The following TBL1X variants were observed in gnomAD, a reference collection of about 807,000 sequenced individuals.
The protein encoded by TBL1X is F-box-like/WD repeat-containing protein TBL1X.
In TBL1X, 10 loss-of-function variants were observed where a neutral mutation model predicts 50.7. The observed-to-expected ratio is 0.20, with a 90% CI of 0.12 to 0.33. The LOEUF (loss-of-function observed/expected upper bound fraction) is 0.33, where lower values mean the gene tolerates loss of function less well. Among genes scored for constraint, TBL1X ranks in the 10% least tolerant of loss-of-function variants. The pLI, the probability that TBL1X is intolerant of heterozygous loss-of-function variation, is 1.00. For synonymous variants in TBL1X, 190 were observed against 214.7 expected, an observed-to-expected ratio of 0.88 and a Z score of 1.01; for missense variants, 340 against 504.4, an observed-to-expected ratio of 0.67 and a Z score of 3.12.
At chrX:9,481,488 A>T (rs2081882230) in intron 1 of TBL1X, among the ~76,000 whole-genome samples, 1 of 112,509 alleles carries the variant, frequency 8.9e-6, no homozygotes, top group African/African-American at 3.2e-5. Context: ...ATGATGTTAT[A>T]GTTGTTTGTT....
intron 7 of TBL1X, among the ~76,000 whole-genome samples, chrX:9,690,902 G>C (rs969961916): frequency 1.3e-4 from 14 of 109,543 alleles, no homozygotes; most frequent in South Asian, 1.2e-3. Flanking sequence ...CTAACTTCTT[G>C]TTGTTGTTGT....
intron 1 of TBL1X, among the ~76,000 whole-genome samples, chrX:9,484,238 A>C (rs1031782566): frequency 1.4e-4 from 16 of 111,400 alleles, no homozygotes; most frequent in African/African-American, 4.6e-4. Context: ...TCCTGGGCTC[A>C]AGTGATCCTC....
At chrX:9,629,119 G>A (rs1179484609) in intron 2 of TBL1X, among the ~76,000 whole-genome samples, 1 of 112,408 alleles carries the variant, frequency 8.9e-6, no homozygotes, top group East Asian at 2.8e-4. Flanking sequence ...ATATTAGTAG[G>A]TTATCTGTTC....
intron 2 of TBL1X, among the ~76,000 whole-genome samples, chrX:9,630,999 AAT>A (rs111898957): frequency 0.098 from 10,709 of 108,922 alleles, 519 homozygotes; most frequent in African/African-American, 0.19. Context: ...ATATATGGAT[AAT>A]ATATATATAT....
chrX:9,633,537 A>G (rs1301859531), intron 2 of TBL1X, among the ~76,000 whole-genome samples: 1 of 112,249 alleles, frequency 8.9e-6, no homozygotes, highest in African/African-American at 3.2e-5. Context: ...TTCCCAGTGG[A>G]TGAGGCTCAC....
At chrX:9,557,428 A>G (rs754036806) in intron 2 of TBL1X, among the ~76,000 whole-genome samples, 2 of 111,371 alleles carry the variant, frequency 1.8e-5, no homozygotes, top group South Asian at 7.5e-4. Flanking sequence ...CTGGGGTGCC[A>G]AGGAGGGCAG....
chrX:9,637,603 G>A (rs1299528728), intron 2 of TBL1X: 1 of 111,829 alleles, frequency 8.9e-6, no homozygotes, highest in African/African-American at 3.3e-5. Flanking sequence ...TGGTGTGACC[G>A]AAGGAAACAC....
intron 16 of TBL1X, 46 bp from the exon 17 acceptor site, chrX:9,714,856 C>T (rs367627582): frequency 6.7e-5 from 77 of 1,144,611 alleles, no homozygotes; most frequent in Non-Finnish European, 8.3e-5. Flanking sequence ...CTGCATCTGT[C>T]GCAGGCGCCC....
chrX:9,699,051 G>C (rs181442320), intron 12 of TBL1X, among the ~76,000 whole-genome samples: 114 of 111,839 alleles, frequency 1.0e-3, no homozygotes, highest in African/African-American at 3.3e-3. Flanking sequence ...TGCGATCTCA[G>C]CTCATTGCAG....
intron 2 of TBL1X, among the ~76,000 whole-genome samples, chrX:9,537,661 A>G (rs5934646): frequency 0.33 from 37,188 of 111,544 alleles, 4,443 homozygotes; most frequent in East Asian, 0.6. Context: ...TTAAGGCTGT[A>G]TAATATTCCA....
At chrX:9,680,262 TC>T (rs775206638) in intron 5 of TBL1X, among the ~76,000 whole-genome samples, 4 of 111,988 alleles carry the variant, frequency 3.6e-5, no homozygotes, top group Non-Finnish European at 5.6e-5. Context: ...GCAGGCATCT[TC>T]CTGTCCCAGA....
intron 13 of TBL1X, among the ~76,000 whole-genome samples, chrX:9,707,177 C>T (rs1033744823): frequency 9.0e-6 from 1 of 111,021 alleles, no homozygotes; most frequent in Non-Finnish European, 1.9e-5. Context: ...GCCATTGTGC[C>T]ACTAACTTAA....
intron 2 of TBL1X, among the ~76,000 whole-genome samples, chrX:9,587,810 C>G (rs977861621): frequency 1.9e-4 from 19 of 97,454 alleles, no homozygotes; most frequent in Non-Finnish European, 3.3e-4. Context: ...ACCCCACCCC[C>G]ACCCCTGCCA....
chrX:9,510,462 A>G (rs2082049760), intron 2 of TBL1X, among the ~76,000 whole-genome samples: 1 of 112,011 alleles, frequency 8.9e-6, no homozygotes, highest in African/African-American at 3.2e-5. Context: ...AGAAAGACAA[A>G]ACTGGCATCT....
chrX:9,617,559 G>T (rs2082645317), intron 2 of TBL1X, among the ~76,000 whole-genome samples: 1 of 112,338 alleles, frequency 8.9e-6, no homozygotes, highest in African/African-American at 3.2e-5. Flanking sequence ...ATTTAGGAGA[G>T]TATATTTGTT....
Position 9,653,599 on chromosome X carries a change from G to A in TBL1X, c.13G>A (p.Ala5Thr), listed in dbSNP as rs138597617. The change falls in exon 4 of 18, where the codon GCT becomes ACT. Residue 5 changes from alanine (A) to threonine (T), a missense_variant. Physicochemically the swap from Ala to Thr is moderately conservative, Grantham distance 58. Coordinates refer to ENST00000645353, the MANE Select transcript of TBL1X (RefSeq NM_005647.4). Reference sequence around the variant, plus strand: ...GGTGACATGTAGCATGACCGAGCTCGCTGGCGCCTCTTCATCGTGCTGCCA... The same window carrying A: ...GGTGACATGTAGCATGACCGAGCTCACTGGCGCCTCTTCATCGTGCTGCCA... Reference protein sequence around the residue: MTELAGASSSCCHRP... With the variant: MTELTGASSSCCHRP... The A allele has an allele frequency of 4.3e-6, 5 of 1,169,889 alleles. No homozygotes were observed. The highest frequency in any genetic ancestry group is 3.2e-5 in the East Asian group (1 of 30,896).
intron 13 of TBL1X, among the ~76,000 whole-genome samples, chrX:9,708,091 A>T (rs1048413215): frequency 3.6e-5 from 4 of 111,909 alleles, no homozygotes; most frequent in African/African-American, 1.3e-4. Flanking sequence ...GGGGCCCTAT[A>T]GTCACCCCTG....
chrX:9,701,729 G>A (rs1328286602), intron 12 of TBL1X, among the ~76,000 whole-genome samples: 6 of 111,139 alleles, frequency 5.4e-5, no homozygotes, highest in Admixed American at 9.6e-5. Context: ...GATGCTGGTC[G>A]CCATCTCTTG....
rs767587967 is a variant in TBL1X at position 9,587,972 on chromosome X, C to A, written c.-130-52301C>A. Among the ~76,000 whole-genome samples the A allele has an allele frequency of 4.0e-4, 45 of 111,850 alleles. 1 individual carries two copies. In the Middle Eastern group the frequency reaches 0.014, roughly 35 times the overall value. On this transcript the variant is annotated intron_variant, in intron 2 of 17. Transcript: ENST00000645353. The stretch of plus-strand genomic sequence containing the variant: ...CATGTGGTAGCACGTGCCAGACATT[C>A]CTTTCTGTTACACAGTACTGTATGT...
Sources: allele counts gnomAD v4.1 joint callset (sites outside exome capture counted in the v4.1 genomes callset), GRCh38; gene constraint gnomAD v4.1.1; transcripts MANE v1.5; gene names NCBI Gene and HGNC (gene_info 2026-07-23, HGNC 2026-07-21).